The following TNIP3 variants were observed in gnomAD, a reference collection of about 807,000 sequenced individuals.
TNIP3 encodes TNFAIP3-interacting protein 3.
A neutral mutation model predicts 54.1 loss-of-function variants in TNIP3; 34 were observed. The ratio of observed to expected loss-of-function variants is 0.63; its 90% confidence interval spans 0.48 to 0.84. The LOEUF is 0.84. Among genes scored for constraint, TNIP3 ranks in the 40% least tolerant of loss-of-function variants. The probability of loss-of-function intolerance (pLI) is 0.00; values close to 1 mark genes in which losing one functional copy is unlikely to be tolerated. For synonymous variants in TNIP3, 134 were observed against 136.8 expected (o/e 0.98, Z 0.14); for missense variants, 366 against 387.6 (o/e 0.94, Z 0.47).
upstream of TNIP3, among the ~76,000 whole-genome samples, chr4:121,166,708 T>C (rs1004109449): frequency 6.6e-6 from 1 of 152,242 alleles, no homozygotes; most frequent in Admixed American, 6.5e-5. Context: ...AGGAGAGTAC[T>C]ATATTTCTAT....
chr4:121,144,956 G>A (rs888281356), intron 7 of TNIP3, among the ~76,000 whole-genome samples: 3 of 152,130 alleles, frequency 2.0e-5, no homozygotes, highest in African/African-American at 7.2e-5. Flanking sequence ...AGAGCAGGCA[G>A]GAACACCAAG....
At chr4:121,170,511 G>A (rs1281369734) in intron 3 of TNIP3, among the ~76,000 whole-genome samples, 2 of 152,042 alleles carry the variant, frequency 1.3e-5, no homozygotes, top group Non-Finnish European at 2.9e-5. Context: ...TCATTTTATA[G>A]GCAAATATTT....
rs139720327 is a variant in TNIP3 at position 121,151,893 on chromosome 4, A to G, written c.493-1674T>C. Among the ~76,000 whole-genome samples, 552 of 152,336 alleles carry G rather than the reference A, an allele frequency of 3.6e-3. 1 individual carries two copies. Among genetic ancestry groups the G allele is most frequent in the African/African-American group, 0.013 (528 of 41,566 alleles). The stretch of plus-strand genomic sequence containing the variant: ...TAGAATATTTACGATTAGTATGGAT[A>G]TCCTAAACAGATCTACTGAGATGTT... On this transcript the variant is annotated intron_variant, in intron 5 of 10. Coordinates refer to ENST00000057513, the MANE Select transcript of TNIP3 (RefSeq NM_024873.6).
chr4:121,150,137 T>G lies in TNIP3; in HGVS notation c.575A>C (p.Glu192Ala). 1 of 1,613,748 alleles carries G rather than the reference T, an allele frequency of 6.2e-7. No individual in the cohort carries two copies. The highest frequency in any genetic ancestry group is 8.5e-7 in the Non-Finnish European group (1 of 1,179,784). ...CAGAACTTCCATTTCTGTTCTCATC[T>G]CCTCATGGCAGAATTCCACTCGAGA... Reference protein sequence around the residue: ...RKSRVEFCHEEMRTEMEVLKQ... With the variant: ...RKSRVEFCHEAMRTEMEVLKQ... The change falls in exon 6 of 11, where the codon GAG becomes GCG. Residue 192 changes from glutamate to alanine, a missense_variant. Glu to Ala is a moderately radical substitution (Grantham distance 107). Transcript: ENST00000057513.
Position 121,158,711 on chromosome 4 carries a change from A to G in TNIP3, c.189T>C (p.Ser63=), listed in dbSNP as rs373417233. The part of the protein sequence containing the change: ...VNQQWDQQFR[S]MKELYERKVA... Reference sequence around the variant, plus strand: ...CCTTTCTTTCATATAACTCTTTCATACTTCTAAATTGCTGATCCCATTGCT... The same window carrying G: ...CCTTTCTTTCATATAACTCTTTCATGCTTCTAAATTGCTGATCCCATTGCT... The change falls in exon 3 of 11, where the codon AGT becomes AGC. Residue 63 remains serine (S), a synonymous_variant. Transcript: ENST00000057513. The G allele has an allele frequency of 1.2e-6, 2 of 1,612,866 alleles. No individual in the cohort carries two copies. The highest frequency in any genetic ancestry group is 3.4e-5 in the Admixed American group (2 of 59,596).
chr4:121,207,748 C>T (rs1472129238), intron 2 of TNIP3, among the ~76,000 whole-genome samples: 1 of 152,176 alleles, frequency 6.6e-6, no homozygotes, highest in Non-Finnish European at 1.5e-5. Flanking sequence ...CCAAGCTGAC[C>T]TTATTCACTC....
upstream of TNIP3, among the ~76,000 whole-genome samples, chr4:121,164,591 T>A (rs1366854603): frequency 6.6e-6 from 1 of 152,180 alleles, no homozygotes; most frequent in Non-Finnish European, 1.5e-5. Context: ...AGGTAACTGT[T>A]GACTTTTTGA....
intron 3 of TNIP3, among the ~76,000 whole-genome samples, chr4:121,178,953 A>G (rs1337128346): frequency 6.6e-6 from 1 of 152,214 alleles, no homozygotes; most frequent in African/African-American, 2.4e-5. Flanking sequence ...AAGTCTATAA[A>G]TGACATATAA....
chr4:121,162,808 T>G (rs1332127913), intron 1 of TNIP3, among the ~76,000 whole-genome samples: 1 of 152,152 alleles, frequency 6.6e-6, no homozygotes, highest in East Asian at 1.9e-4. Context: ...TAATTTTGAT[T>G]CATACTAAAG....
At chr4:121,149,978 C>T in intron 6 of TNIP3, 125 bp downstream of exon 6, 1 of 633,834 alleles carries the variant, frequency 1.6e-6, no homozygotes, top group Non-Finnish European at 2.8e-6. Context: ...TTAGATAATT[C>T]TACTTAAAAT....
chr4:121,170,394 C>T (rs13102428), intron 3 of TNIP3, among the ~76,000 whole-genome samples: 35,923 of 152,062 alleles, frequency 0.24, 4,434 homozygotes, highest in Middle Eastern at 0.29. Flanking sequence ...ACAATGACCA[C>T]GGGGATACAC....
chr4:121,142,131 C>G (rs1440921943), intron 8 of TNIP3, among the ~76,000 whole-genome samples: 1 of 152,154 alleles, frequency 6.6e-6, no homozygotes, highest in African/African-American at 2.4e-5. Flanking sequence ...ATCATTTCCC[C>G]ATTTTGAAGA....
At chr4:121,157,962 C>A (rs536630150) in intron 3 of TNIP3, among the ~76,000 whole-genome samples, 1 of 152,180 alleles carries the variant, frequency 6.6e-6, no homozygotes, top group Non-Finnish European at 1.5e-5. Context: ...CATTATCCTG[C>A]ACCTTCTAAA....
chr4:121,193,442 T>C (rs924152042), intron 2 of TNIP3, among the ~76,000 whole-genome samples: 4 of 152,176 alleles, frequency 2.6e-5, no homozygotes, highest in African/African-American at 9.6e-5. Flanking sequence ...CCTATACTGA[T>C]GCAAATGTTA....
intron 1 of TNIP3, among the ~76,000 whole-genome samples, chr4:121,223,712 T>G (rs1005544911): frequency 1.3e-5 from 2 of 152,222 alleles, no homozygotes; most frequent in African/African-American, 4.8e-5. Context: ...TGAACACCTT[T>G]CTTAGCTTCC....
intron 7 of TNIP3, among the ~76,000 whole-genome samples, chr4:121,143,416 C>T (rs1295555269): frequency 1.3e-5 from 2 of 152,184 alleles, no homozygotes; most frequent in Non-Finnish European, 2.9e-5. Context: ...ATTGTCATTC[C>T]TACACTCCAT....
exon 1 of TNIP3, chr4:121,216,614 A>G (rs1726805497): frequency 2.0e-6 from 3 of 1,477,490 alleles, no homozygotes; most frequent in Non-Finnish European, 1.8e-6. Flanking sequence ...ATCAAAAGCC[A>G]TGTTTTTATT....
chr4:121,190,090 A>G (rs1725223886), intron 2 of TNIP3, among the ~76,000 whole-genome samples: 1 of 152,190 alleles, frequency 6.6e-6, no homozygotes, highest in African/African-American at 2.4e-5. Context: ...CTGCTGACAT[A>G]GGTTTGGCCT....
chr4:121,224,813 T>A (rs958986931), intron 1 of TNIP3, among the ~76,000 whole-genome samples: 1 of 152,176 alleles, frequency 6.6e-6, no homozygotes, highest in Non-Finnish European at 1.5e-5. Flanking sequence ...ATGTGAACTA[T>A]CTTCCTAGAA....
Sources: gnomAD v4.1 joint callset for allele counts (sites outside exome capture counted in the v4.1 genomes callset) on GRCh38, gnomAD v4.1.1 for gene constraint, MANE v1.5 for transcripts, NCBI Gene and HGNC (gene_info 2026-07-23, HGNC 2026-07-21) for gene names.